The following RBFOX1 variants were observed in gnomAD, a reference collection of about 807,000 sequenced individuals.
RBFOX1 encodes the protein RNA binding fox-1 homolog 1, also known as RNA binding protein fox-1 homolog 1.
In RBFOX1, 8 loss-of-function variants were observed where a neutral mutation model predicts 57.7. The observed-to-expected ratio is 0.14, with a 90% CI of 0.08 to 0.25. The LOEUF (loss-of-function observed/expected upper bound fraction) is 0.25. RBFOX1 is among the 10% of genes least tolerant of loss of function. RBFOX1 has a pLI of 1.00. For missense variants in RBFOX1, 611 were observed against 548.5 expected (o/e 1.11, Z -1.14); for synonymous variants, 326 against 222.4 (o/e 1.47, Z -4.15).
rs143741213 is a variant in RBFOX1, at chr16:6,744,394, C to G, written c.-16+89744C>G. On this transcript the variant is annotated intron_variant, in intron 3 of 15. Coordinates refer to ENST00000550418, the MANE Select transcript of RBFOX1 (RefSeq NM_018723.4). ...CCCTCTATCCTAAAATAGCAGGATA[C>G]ATATTGTTTTCAAGTACATAAGGAA... 8.9e-3 allele frequency among the ~76,000 whole-genome samples: 1,360 copies of G among 152,026 alleles called. 31 individuals are homozygous for G. Among genetic ancestry groups the G allele is most frequent in the African/African-American group, 0.032 (1,314 of 41,492 alleles).
At chr16:6,254,549 C>A (rs966802569) in intron 1 of RBFOX1, among the ~76,000 whole-genome samples, 9 of 152,140 alleles carry the variant, frequency 5.9e-5, no homozygotes, top group Non-Finnish European at 8.8e-5. Context: ...GGCAAGGTGA[C>A]TATGTATTCT....
chr16:7,455,762 G>A (rs1311994595), intron 4 of RBFOX1, among the ~76,000 whole-genome samples: 1 of 143,060 alleles, frequency 7.0e-6, no homozygotes, highest in Non-Finnish European at 1.5e-5. Flanking sequence ...ACTCCAGCCT[G>A]GGAACAGAAT....
intron 3 of RBFOX1, among the ~76,000 whole-genome samples, chr16:5,627,226 A>C (rs1567316644): frequency 6.6e-6 from 1 of 152,218 alleles, no homozygotes; most frequent in East Asian, 1.9e-4. Flanking sequence ...TGATTCTATC[A>C]TATCCCATGT....
intron 3 of RBFOX1, among the ~76,000 whole-genome samples, chr16:6,784,853 T>G (rs2081651287): frequency 6.6e-6 from 1 of 152,138 alleles, no homozygotes; most frequent in African/African-American, 2.4e-5. Flanking sequence ...GAGTAGAAGT[T>G]GAAAGAGTTG....
In RBFOX1 at chr16:6,335,482, T is replaced by C. The variant is rs561321869; in HGVS notation, c.-64+18425T>C. Among the ~76,000 whole-genome samples the C allele has an allele frequency of 7.2e-5, 11 of 151,932 alleles. No homozygotes were observed. In the South Asian group the frequency reaches 8.3e-4, roughly 12 times the overall value. On this transcript the variant is annotated intron_variant, in intron 2 of 15. Coordinates refer to ENST00000550418, the MANE Select transcript of RBFOX1 (RefSeq NM_018723.4). ...ATCATAATGAGAAATGCAGTAAATA[T>C]GAAAATAAAAAATCAGGCCGGGCGC...
At chr16:7,289,449 C>T (rs964386024) in intron 4 of RBFOX1, among the ~76,000 whole-genome samples, 1 of 152,166 alleles carries the variant, frequency 6.6e-6, no homozygotes. Context: ...TTACCATCAT[C>T]ATCAGCAAGA....
At chr16:7,703,392 C>T (rs1416296059) in intron 14 of RBFOX1, among the ~76,000 whole-genome samples, 1 of 152,168 alleles carries the variant, frequency 6.6e-6, no homozygotes, top group Non-Finnish European at 1.5e-5. Flanking sequence ...TTCTGAACTT[C>T]ATCTGAGAGC....
chr16:6,551,598 G>A (rs778743443), intron 2 of RBFOX1, among the ~76,000 whole-genome samples: 2 of 152,158 alleles, frequency 1.3e-5, no homozygotes, highest in Non-Finnish European at 2.9e-5. Flanking sequence ...GATCTGAAGG[G>A]GAGGTGCTTG....
intron 5 of RBFOX1, among the ~76,000 whole-genome samples, chr16:7,542,939 C>A (rs9925812): frequency 1.3e-5 from 2 of 151,852 alleles, no homozygotes; most frequent in Non-Finnish European, 1.5e-5. Flanking sequence ...CACATACAAA[C>A]AAGAAAGGCA....
rs115391407 is a variant in RBFOX1 at position 6,009,906 on chromosome 16, G to A, written c.351+142571G>A. Among the ~76,000 whole-genome samples, 1,147 of 151,960 alleles carry A rather than the reference G, an allele frequency of 7.5e-3. 16 individuals are homozygous for A. Among genetic ancestry groups the A allele is most frequent in the African/African-American group, 0.027 (1,103 of 41,432 alleles). ...CCTGAATCAGAATCTCCAGCATGGAGCCCAGCATCTGGATTTTGATAAGCA... is the reference window on the plus strand; with the variant it reads ...CCTGAATCAGAATCTCCAGCATGGAACCCAGCATCTGGATTTTGATAAGCA... On this transcript the variant is annotated intron_variant, in intron 4 of 19. Coordinates refer to the RBFOX1 transcript ENST00000641259.
intron 2 of RBFOX1, among the ~76,000 whole-genome samples, chr16:6,651,198 G>A (rs12922359): frequency 0.21 from 32,424 of 151,936 alleles, 3,539 homozygotes; most frequent in African/African-American, 0.24. Context: ...CACCACACCC[G>A]GCCTGGAACC....
At chr16:5,642,292 A>G (rs1365001490) in intron 3 of RBFOX1, among the ~76,000 whole-genome samples, 1 of 152,212 alleles carries the variant, frequency 6.6e-6, no homozygotes, top group Non-Finnish European at 1.5e-5. Flanking sequence ...GTCGATGAAT[A>G]TCTTTCTTTA....
intron 3 of RBFOX1, among the ~76,000 whole-genome samples, chr16:6,976,830 A>G (rs962802701): frequency 7.0e-6 from 1 of 142,906 alleles, no homozygotes; most frequent in Non-Finnish European, 1.5e-5. Flanking sequence ...ATCATATATA[A>G]TGTACCTATC....
chr16:7,522,913 A>G (rs935492201), intron 5 of RBFOX1, among the ~76,000 whole-genome samples: 4 of 152,220 alleles, frequency 2.6e-5, no homozygotes, highest in Non-Finnish European at 1.5e-5. Flanking sequence ...ACCTGCATGC[A>G]CAACCATTAC....
chr16:6,521,811 G>T (rs1283786713), intron 2 of RBFOX1, among the ~76,000 whole-genome samples: 1 of 152,112 alleles, frequency 6.6e-6, no homozygotes, highest in Admixed American at 6.6e-5. Context: ...GCTAAATAGT[G>T]AGGAATCCTC....
At chr16:6,717,016 C>G (rs149461340) in intron 3 of RBFOX1, among the ~76,000 whole-genome samples, 1 of 152,132 alleles carries the variant, frequency 6.6e-6, no homozygotes, top group African/African-American at 2.4e-5. Context: ...TGCTTTCTCT[C>G]TTTTCTCTCA....
intron 3 of RBFOX1, among the ~76,000 whole-genome samples, chr16:6,994,263 T>C (rs2091939460): frequency 1.3e-5 from 2 of 152,162 alleles, no homozygotes; most frequent in Admixed American, 1.3e-4. Flanking sequence ...TTTTATCTAA[T>C]GGAATTCTGC....
At chr16:7,617,929 C>T (rs1281061806) in intron 10 of RBFOX1, among the ~76,000 whole-genome samples, 1 of 151,888 alleles carries the variant, frequency 6.6e-6, no homozygotes, top group Admixed American at 6.6e-5. Flanking sequence ...AAGATCATTG[C>T]AGGAGGGAAT....
At chr16:5,421,165 C>A (rs115451080) in intron 1 of RBFOX1, among the ~76,000 whole-genome samples, 1 of 151,750 alleles carries the variant, frequency 6.6e-6, no homozygotes, top group Admixed American at 6.6e-5. Flanking sequence ...GGCCACTACA[C>A]CTGGCTAATT....
Sources: gnomAD v4.1 joint callset for allele counts (sites outside exome capture counted in the v4.1 genomes callset) on GRCh38, gnomAD v4.1.1 for gene constraint, MANE v1.5 for transcripts, NCBI Gene and HGNC (gene_info 2026-07-23, HGNC 2026-07-21) for gene names.